Variants in BTBD16 observed in about 807,000 individuals in gnomAD.
BTBD16 encodes the protein BTB domain containing 16.
Under a neutral mutation model 67.4 loss-of-function variants are expected in BTBD16, and 66 were observed. The ratio of observed to expected loss-of-function variants is 0.98; its 90% confidence interval spans 0.80 to 1.20. The LOEUF is 1.20. BTBD16 is among the 50% of genes most tolerant of loss of function. The pLI, the probability that BTBD16 is intolerant of heterozygous loss-of-function variation, is 0.00. For missense variants in BTBD16, 634 were observed against 616.0 expected, an observed-to-expected ratio of 1.03 and a Z score of -0.31; for synonymous variants, 242 against 236.4, an observed-to-expected ratio of 1.02 and a Z score of -0.22.
chr10:122,296,660 G>A (rs2096383808), intron 7 of BTBD16, among the ~76,000 whole-genome samples: 1 of 152,214 alleles, frequency 6.6e-6, no homozygotes, highest in Non-Finnish European at 1.5e-5. Flanking sequence ...CACATAGCAC[G>A]TCTACCACAC....
chr10:122,334,654 G>A (rs1463089993), intron 13 of BTBD16, among the ~76,000 whole-genome samples: 2 of 144,088 alleles, frequency 1.4e-5, no homozygotes, highest in Admixed American at 7.0e-5. Context: ...CTACAGGCAC[G>A]CACCACCACG....
At chr10:122,307,807 C>T (rs781341739) in intron 10 of BTBD16, among the ~76,000 whole-genome samples, 3 of 152,290 alleles carry the variant, frequency 2.0e-5, no homozygotes, top group Non-Finnish European at 1.5e-5. Context: ...ATTTCTTTTG[C>T]ATGTGTGAGT....
At chr10:122,319,053 C>T (rs531681748) in intron 10 of BTBD16, among the ~76,000 whole-genome samples, 1 of 152,210 alleles carries the variant, frequency 6.6e-6, no homozygotes, top group African/African-American at 2.4e-5. Context: ...CTGTTCAAAC[C>T]TTTGGCCCAT....
Position 122,298,892 on chromosome 10 carries a change from A to AG in BTBD16, c.661-111dup, listed in dbSNP as rs1253261982. On this transcript the variant is annotated intron_variant, in intron 8 of 15. Coordinates refer to ENST00000260723, the MANE Select transcript of BTBD16 (RefSeq NM_144587.5). The stretch of plus-strand genomic sequence containing the variant: ...TCATGTATTTTGTAGAAAAGGTTTG[A>AG]GCGCCTCTGCAGTGACTCTCCCTCT... 2.2e-5 allele frequency: 31 copies of AG among 1,391,434 alleles called. No individual in the cohort carries two copies. In the East Asian group the frequency reaches 7.2e-4, roughly 32 times the overall value. 86.2% of individuals were successfully genotyped at this position (1,391,434 alleles called of 1,614,324 possible).
chr10:122,319,584 T>G (rs1446602581), intron 10 of BTBD16, among the ~76,000 whole-genome samples: 1 of 152,192 alleles, frequency 6.6e-6, no homozygotes, highest in Non-Finnish European at 1.5e-5. Flanking sequence ...ACCATATTCC[T>G]ATTTTATACT....
At chr10:122,285,752 C>G (rs1257262496) in intron 4 of BTBD16, among the ~76,000 whole-genome samples, 1 of 152,056 alleles carries the variant, frequency 6.6e-6, no homozygotes, top group African/African-American at 2.4e-5. Flanking sequence ...AGAATGAGGC[C>G]CCCCAAGAGT....
intron 10 of BTBD16, among the ~76,000 whole-genome samples, chr10:122,324,083 C>T (rs777234492): frequency 1.6e-4 from 25 of 152,220 alleles, no homozygotes; most frequent in Admixed American, 5.2e-4. Context: ...TCCCCTGATT[C>T]TCCAGCTGAG....
chr10:122,312,309 C>CTTTTTTTTTTTTTTTTTTTTTTT (rs58045019), intron 10 of BTBD16, among the ~76,000 whole-genome samples: 1 of 105,624 alleles, frequency 9.5e-6, no homozygotes, highest in Non-Finnish European at 1.8e-5. Context: ...TTTTCTTTTT[C>CTTTTTTTTTTTTTTTTTTTTTTT]TTTTTTTTTT....
At chr10:122,291,546 C>G in intron 7 of BTBD16, 1 of 181,862 alleles carries the variant, frequency 5.5e-6, no homozygotes, top group Non-Finnish European at 1.1e-5. Context: ...TCATTGTTGG[C>G]TAAAAGAAAA....
intron 15 of BTBD16, 114 bp from the exon 16 acceptor site, chr10:122,337,903 C>A: frequency 2.5e-6 from 2 of 789,340 alleles, no homozygotes; most frequent in Non-Finnish European, 4.2e-6. Flanking sequence ...GATGTGCAAC[C>A]ATAGTTGAGA....
At chr10:122,324,324 A>AG (rs2096440687) in intron 10 of BTBD16, among the ~76,000 whole-genome samples, 1 of 152,136 alleles carries the variant, frequency 6.6e-6, no homozygotes, top group Non-Finnish European at 1.5e-5. Context: ...AAGGGACCGC[A>AG]GGGGGAAACT....
chr10:122,329,422 C>A, intron 10 of BTBD16, 58 bp from the exon 11 acceptor site: 2 of 1,551,190 alleles, frequency 1.3e-6, no homozygotes, highest in Non-Finnish European at 8.9e-7. Context: ...CTAGCCCGAG[C>A]TAATTCCAGA....
intron 7 of BTBD16, among the ~76,000 whole-genome samples, chr10:122,294,697 T>C (rs2096379964): frequency 6.6e-6 from 1 of 152,230 alleles, no homozygotes; most frequent in Non-Finnish European, 1.5e-5. Flanking sequence ...TCCTTTAGAA[T>C]TTCCAGAAGA....
chr10:122,293,003 T>G (rs1216406566), intron 7 of BTBD16, among the ~76,000 whole-genome samples: 1 of 152,246 alleles, frequency 6.6e-6, no homozygotes, highest in Non-Finnish European at 1.5e-5. Flanking sequence ...TTCTCTAGAA[T>G]ATTTTGTTTC....
At chr10:122,275,213 T>A (rs1039783604) in intron 2 of BTBD16, 114 bp downstream of exon 2, 1 of 1,035,274 alleles carries the variant, frequency 9.7e-7, no homozygotes, top group African/African-American at 1.6e-5. Flanking sequence ...ACCTCAAGCA[T>A]TATTGGCTGA....
chr10:122,310,926 C>T (rs939881490), intron 10 of BTBD16, among the ~76,000 whole-genome samples: 4 of 152,104 alleles, frequency 2.6e-5, no homozygotes, highest in African/African-American at 7.2e-5. Flanking sequence ...GCCCAGAATC[C>T]GGAAAGGAGG....
chr10:122,333,576 G>A (rs2096458375), intron 13 of BTBD16, among the ~76,000 whole-genome samples: 1 of 152,074 alleles, frequency 6.6e-6, no homozygotes. Flanking sequence ...TTGCAGCCAG[G>A]GCATGGTGAA....
chr10:122,283,729 G>A (rs916699085), intron 3 of BTBD16, 122 bp from the exon 4 acceptor site: 48 of 743,294 alleles, frequency 6.5e-5, no homozygotes, highest in South Asian at 1.0e-4. Flanking sequence ...TCCAAAGGGC[G>A]AGATATGATT....
chr10:122,335,032 G>C (rs1013530594), intron 14 of BTBD16, 53 bp downstream of exon 14: 3 of 850,040 alleles, frequency 3.5e-6, no homozygotes, highest in Non-Finnish European at 5.6e-6. Context: ...TTTAGAGTTA[G>C]AGTCAATTCA....
Sources: allele counts gnomAD v4.1 joint callset (sites outside exome capture counted in the v4.1 genomes callset), GRCh38; gene constraint gnomAD v4.1.1; transcripts MANE v1.5; gene names NCBI Gene and HGNC (gene_info 2026-07-23, HGNC 2026-07-21).